Variants in COL11A1 observed in about 807,000 individuals in gnomAD.
COL11A1 encodes collagen alpha-1(XI) chain.
Under a neutral mutation model 265.2 loss-of-function variants are expected in COL11A1, and 74 were observed. That is an observed-to-expected ratio of 0.28 (90% CI 0.23 to 0.34). The LOEUF is 0.34. Ranked by LOEUF, COL11A1 falls within the 10% of genes least tolerant of loss-of-function variation. The pLI is 1.00. For missense variants in COL11A1, 2,165 were observed against 2,263.6 expected, an observed-to-expected ratio of 0.96 and a Z score of 0.88; for synonymous variants, 816 against 727.6, an observed-to-expected ratio of 1.12 and a Z score of -1.96.
intron 41 of COL11A1, among the ~76,000 whole-genome samples, chr1:102,949,785 C>T (rs1230370693): frequency 2.0e-5 from 3 of 152,112 alleles, no homozygotes. Context: ...ACCCATACAA[C>T]TCATGGGTAC....
At chr1:102,943,989 C>T (rs1000230234) in intron 42 of COL11A1, among the ~76,000 whole-genome samples, 1 of 151,992 alleles carries the variant, frequency 6.6e-6, no homozygotes, top group Non-Finnish European at 1.5e-5. Context: ...TTCTTCTTAC[C>T]TGCTTTCCAG....
chr1:102,965,168 C>A (rs1661287877), intron 38 of COL11A1, among the ~76,000 whole-genome samples: 1 of 152,072 alleles, frequency 6.6e-6, no homozygotes, highest in Non-Finnish European at 1.5e-5. Flanking sequence ...CACCTATTTA[C>A]AAAGAACTTT....
At chr1:103,006,747 C>CTCGG (rs1211997192) in intron 15 of COL11A1, among the ~76,000 whole-genome samples, 6 of 152,032 alleles carry the variant, frequency 3.9e-5, no homozygotes, top group African/African-American at 1.4e-4. Flanking sequence ...CCAGCATGGT[C>CTCGG]TCGGTCTCCT....
chr1:103,068,336 G>GA (rs987922919), intron 4 of COL11A1, among the ~76,000 whole-genome samples: 4 of 150,754 alleles, frequency 2.7e-5, no homozygotes, highest in South Asian at 2.1e-4. Context: ...ATACTAACAG[G>GA]AAAAAAAACC....
intron 33 of COL11A1, 54 bp downstream of exon 33, chr1:102,979,006 G>C (rs891172651): frequency 1.2e-6 from 2 of 1,607,544 alleles, no homozygotes; most frequent in Non-Finnish European, 1.7e-6. Flanking sequence ...AAATTATCTT[G>C]ATACACTAAA....
At chr1:103,051,793 C>T (rs1022122031) in intron 4 of COL11A1, among the ~76,000 whole-genome samples, 1 of 152,190 alleles carries the variant, frequency 6.6e-6, no homozygotes, top group Non-Finnish European at 1.5e-5. Flanking sequence ...TAATAACAAT[C>T]TCACATTAAC....
chr1:102,928,497 T>C (rs1387196356), intron 46 of COL11A1, among the ~76,000 whole-genome samples: 1 of 152,170 alleles, frequency 6.6e-6, no homozygotes, highest in African/African-American at 2.4e-5. Context: ...ATCCAGTCTA[T>C]CATTGTTGGA....
At chr1:102,884,970 C>A (rs180989713) in intron 63 of COL11A1, among the ~76,000 whole-genome samples, 1 of 152,280 alleles carries the variant, frequency 6.6e-6, no homozygotes, top group East Asian at 1.9e-4. Flanking sequence ...GAAATTAAAA[C>A]CCTTATTCCA....
At chr1:103,101,918 A>T (rs1674301584) in intron 1 of COL11A1, among the ~76,000 whole-genome samples, 1 of 152,068 alleles carries the variant, frequency 6.6e-6, no homozygotes. Context: ...CACTGTCTCT[A>T]ATTCCATGCG....
intron 20 of COL11A1, among the ~76,000 whole-genome samples, chr1:103,003,896 AC>A (rs1437028049): frequency 2.6e-5 from 4 of 152,068 alleles, no homozygotes; most frequent in African/African-American, 9.7e-5. Context: ...GCTTGAACTT[AC>A]TTGACAAGGA....
chr1:103,039,542 TAA>T (rs1316864194), intron 4 of COL11A1, among the ~76,000 whole-genome samples: 1 of 149,830 alleles, frequency 6.7e-6, no homozygotes, highest in Non-Finnish European at 1.5e-5. Flanking sequence ...AAAGACCATG[TAA>T]AGACACAGGG....
chr1:102,876,587 T>C lies in COL11A1; in HGVS notation c.*1432A>G, dbSNP rs1273273349. 2 of 152,534 alleles carry C rather than the reference T, an allele frequency of 1.3e-5. No individual in the cohort carries two copies. The highest frequency in any genetic ancestry group is 2.4e-5 in the African/African-American group (1 of 41,468). 9.4% of individuals were successfully genotyped at this position (152,534 alleles called of 1,614,324 possible). On this transcript the variant is annotated 3_prime_UTR_variant, in exon 67 of 67. Coordinates refer to ENST00000370096, the MANE Select transcript of COL11A1 (RefSeq NM_001854.4). ...TTATGACAAATTTCACTTTTTAATT[T>C]CAATATTACAGGTATGTTCTTTTGT...
At chr1:102,915,803 C>T (rs1357812805) in intron 49 of COL11A1, 119 bp from the exon 50 acceptor site, 8 of 790,022 alleles carry the variant, frequency 1.0e-5, no homozygotes, top group Non-Finnish European at 1.6e-5. Flanking sequence ...ATTTAAAAGG[C>T]ATTGAAAAAC....
At chr1:102,947,373 C>T (rs1659406761) in intron 41 of COL11A1, among the ~76,000 whole-genome samples, 1 of 152,022 alleles carries the variant, frequency 6.6e-6, no homozygotes, top group East Asian at 1.9e-4. Flanking sequence ...GAAGTAATTT[C>T]TAGGCTTTTT....
chr1:102,988,126 A>C (rs1474129448), intron 29 of COL11A1, among the ~76,000 whole-genome samples: 1 of 152,108 alleles, frequency 6.6e-6, no homozygotes, highest in African/African-American at 2.4e-5. Flanking sequence ...GTAGAACATA[A>C]GATTAGCCTT....
At chr1:102,972,763 G>A (rs1485168616) in intron 36 of COL11A1, among the ~76,000 whole-genome samples, 1 of 152,042 alleles carries the variant, frequency 6.6e-6, no homozygotes, top group African/African-American at 2.4e-5. Context: ...GTAGGTAATT[G>A]TTTAAGGATG....
chr1:103,031,249 G>GTAA lies in COL11A1; in HGVS notation c.652-6_652-5insTTA, dbSNP rs749687230. ...CAAAAACTGCTGAATGTCCCCCTGG[G>GTAA]AAAAAAAAAAAAACAAAAACAAACA... is the stretch of plus-strand genomic sequence containing the variant. On this transcript the variant is annotated splice_polypyrimidine_tract_variant and splice_region_variant and intron_variant, in intron 4 of 66. Transcript: ENST00000370096. 1 of 1,363,306 alleles carries GTAA rather than the reference G, an allele frequency of 7.3e-7. No individual in the cohort carries two copies. Among genetic ancestry groups the GTAA allele is most frequent in the African/African-American group, 1.4e-5 (1 of 69,564 alleles). The allele number at this position is 1,363,306 out of a possible 1,614,324, so 84.5% of individuals were successfully genotyped here.
At chr1:102,907,864 A>T (rs1158029965) in intron 54 of COL11A1, among the ~76,000 whole-genome samples, 1 of 152,046 alleles carries the variant, frequency 6.6e-6, no homozygotes, top group Non-Finnish European at 1.5e-5. Context: ...ATAACAAAAC[A>T]TTATTCCTTG....
chr1:102,961,568 C>T (rs577299071), intron 41 of COL11A1, among the ~76,000 whole-genome samples: 41 of 152,262 alleles, frequency 2.7e-4, no homozygotes, highest in Non-Finnish European at 5.6e-4. Flanking sequence ...CCAGGCATTC[C>T]GTGACTATGA....
Sources: gnomAD v4.1 joint callset for allele counts (sites outside exome capture counted in the v4.1 genomes callset) on GRCh38, gnomAD v4.1.1 for gene constraint, MANE v1.5 for transcripts, NCBI Gene and HGNC (gene_info 2026-07-23, HGNC 2026-07-21) for gene names.